Variants in CA10 observed in about 807,000 individuals in gnomAD.
CA10 encodes carbonic anhydrase-related protein 10.
In CA10, 14 loss-of-function variants were observed where a neutral mutation model predicts 44.2. The observed-to-expected ratio is 0.32, with a 90% CI of 0.21 to 0.50. The LOEUF is 0.50. Ranked by LOEUF, CA10 falls within the 20% of genes least tolerant of loss-of-function variation. The pLI is 0.99. For missense variants in CA10, 350 were observed against 409.7 expected, an observed-to-expected ratio of 0.85 and a Z score of 1.26; for synonymous variants, 159 against 141.6, an observed-to-expected ratio of 1.12 and a Z score of -0.87.
intron 2 of CA10, among the ~76,000 whole-genome samples, chr17:52,028,482 T>C (rs1236991186): frequency 6.6e-6 from 1 of 152,186 alleles, no homozygotes; most frequent in Non-Finnish European, 1.5e-5. Flanking sequence ...AATAATGATT[T>C]ACTGAAAACC....
Position 51,653,840 on chromosome 17 carries a change from G to A in CA10, c.466-104C>T. The A allele has an allele frequency of 4.4e-6, 3 of 684,346 alleles. No homozygotes were observed. In the South Asian group the frequency reaches 4.8e-5, roughly 11 times the overall value. 42.4% of individuals were successfully genotyped at this position (684,346 alleles called of 1,614,324 possible). A position where few individuals can be genotyped will look rare whatever the true frequency, so the allele number is the denominator to read the frequency against. Reference sequence around the variant, plus strand: ...AGGGTGAACTGCAAAGTATATTGAGGAACAATTTGGAAGACAATTTTAATT... The same window carrying A: ...AGGGTGAACTGCAAAGTATATTGAGAAACAATTTGGAAGACAATTTTAATT... On this transcript the variant is annotated intron_variant, in intron 4 of 8. Coordinates refer to ENST00000451037, the MANE Select transcript of CA10 (RefSeq NM_020178.5).
intron 3 of CA10, among the ~76,000 whole-genome samples, chr17:51,803,057 G>C (rs573005961): frequency 1.4e-4 from 21 of 152,268 alleles, no homozygotes; most frequent in Middle Eastern, 3.4e-3. Flanking sequence ...GGTTTAAATG[G>C]GGGGATTAGG....
chr17:51,718,875 A>G (rs1057272464), intron 4 of CA10, among the ~76,000 whole-genome samples: 1 of 152,154 alleles, frequency 6.6e-6, no homozygotes, highest in Non-Finnish European at 1.5e-5. Flanking sequence ...TGATTGTTGA[A>G]TGAGAGGATA....
rs768359998 is a variant in CA10, at chr17:51,747,751, T to C, written c.347A>G (p.Asn116Ser). 2.5e-6 allele frequency: 4 copies of C among 1,614,076 alleles called. No homozygotes were observed. Among genetic ancestry groups the C allele is most frequent in the South Asian group, 1.1e-5 (1 of 91,090 alleles). ...GTATGTCATGGGCCCTCCAGATATG[T>C]TGACCAAGTGCTCCTTGTCCAGGCG... ...SLRLDKEHLVNISGGPMTYSH... is the reference protein window; with the variant it reads ...SLRLDKEHLVSISGGPMTYSH... Residue 116 changes from asparagine to serine, a missense_variant, in exon 4 of 9, where the codon AAC becomes AGC. Coordinates refer to ENST00000451037, the MANE Select transcript of CA10 (RefSeq NM_020178.5).
At chr17:51,782,516 G>A (rs977101130) in intron 3 of CA10, among the ~76,000 whole-genome samples, 9 of 152,150 alleles carry the variant, frequency 5.9e-5, no homozygotes, top group Non-Finnish European at 1.3e-4. Flanking sequence ...TCCAGCATTG[G>A]TTCATTTCTT....
At chr17:51,732,536 A>G (rs957495088) in intron 4 of CA10, among the ~76,000 whole-genome samples, 3 of 152,308 alleles carry the variant, frequency 2.0e-5, no homozygotes, top group Admixed American at 6.5e-5. Flanking sequence ...AGAACTGTCT[A>G]TCTTCCCACT....
At chr17:51,690,457 G>A (rs902087567) in intron 4 of CA10, among the ~76,000 whole-genome samples, 4 of 152,078 alleles carry the variant, frequency 2.6e-5, no homozygotes, top group Non-Finnish European at 5.9e-5. Context: ...GTGTGATATG[G>A]TTTGGCTATG....
At chr17:51,896,419 T>A (rs1350670609) in intron 3 of CA10, among the ~76,000 whole-genome samples, 1 of 152,086 alleles carries the variant, frequency 6.6e-6, no homozygotes, top group Non-Finnish European at 1.5e-5. Flanking sequence ...AAGGACATGA[T>A]CTCATTCCTT....
At chr17:51,740,510 G>T (rs1172222489) in intron 4 of CA10, among the ~76,000 whole-genome samples, 1 of 152,194 alleles carries the variant, frequency 6.6e-6, no homozygotes, top group Non-Finnish European at 1.5e-5. Context: ...TCCCCAAGAA[G>T]GTGGTAACAT....
At chr17:51,965,555 TA>T (rs1984050251) in intron 2 of CA10, among the ~76,000 whole-genome samples, 1 of 152,032 alleles carries the variant, frequency 6.6e-6, no homozygotes. Context: ...TGGTTCAACA[TA>T]CACAAATCAA....
intron 3 of CA10, among the ~76,000 whole-genome samples, chr17:51,751,864 A>C (rs1262273515): frequency 6.6e-6 from 1 of 152,138 alleles, no homozygotes; most frequent in Non-Finnish European, 1.5e-5. Context: ...CTCTGTCTTC[A>C]TTCATTCATT....
intron 3 of CA10, among the ~76,000 whole-genome samples, chr17:51,769,808 G>T (rs968070559): frequency 2.0e-5 from 3 of 152,158 alleles, no homozygotes; most frequent in Non-Finnish European, 2.9e-5. Flanking sequence ...GTAAAGAGGG[G>T]ATATAAGAGA....
chr17:51,716,057 ACCCTTC>A (rs1916102686), intron 4 of CA10, among the ~76,000 whole-genome samples: 1 of 151,610 alleles, frequency 6.6e-6, no homozygotes, highest in Admixed American at 6.6e-5. Flanking sequence ...GCCCCCTACT[ACCCTTC>A]CCAGACTCTG....
intron 4 of CA10, among the ~76,000 whole-genome samples, chr17:51,678,542 G>A (rs983403285): frequency 3.9e-5 from 6 of 152,174 alleles, no homozygotes; most frequent in African/African-American, 9.7e-5. Context: ...CACAGATGAC[G>A]AATACGCAGC....
chr17:51,841,896 A>G (rs1978322630), intron 3 of CA10, among the ~76,000 whole-genome samples: 1 of 152,184 alleles, frequency 6.6e-6, no homozygotes, highest in South Asian at 2.1e-4. Context: ...TCCATGCATC[A>G]TATCCAGGCA....
chr17:51,660,490 G>A (rs1007903257), intron 4 of CA10, among the ~76,000 whole-genome samples: 1 of 152,200 alleles, frequency 6.6e-6, no homozygotes. Context: ...GGTTAAGCTG[G>A]GAGCAGCTTC....
chr17:51,883,858 C>G (rs1326621448), intron 3 of CA10, among the ~76,000 whole-genome samples: 1 of 152,178 alleles, frequency 6.6e-6, no homozygotes, highest in Non-Finnish European at 1.5e-5. Flanking sequence ...TTTATACACT[C>G]TACCTCCTAT....
Position 51,636,127 on chromosome 17 carries a change from G to C in CA10, c.635-118C>G. The C allele has an allele frequency of 5.9e-6, 3 of 511,730 alleles. No individual in the cohort carries two copies. In the South Asian group the frequency reaches 1.9e-4, roughly 32 times the overall value. 31.7% of individuals were successfully genotyped at this position (511,730 alleles called of 1,614,324 possible). A position where few individuals can be genotyped will look rare whatever the true frequency, so the allele number is the denominator to read the frequency against. The stretch of plus-strand genomic sequence containing the variant: ...ATATACATACATATATACACACACA[G>C]ATATATATGTATTTCTTTTGGAATT... On this transcript the variant is annotated intron_variant, in intron 6 of 8. Coordinates refer to ENST00000451037, the MANE Select transcript of CA10 (RefSeq NM_020178.5).
At chr17:52,102,612 A>T (rs551463442) in intron 1 of CA10, among the ~76,000 whole-genome samples, 15 of 152,330 alleles carry the variant, frequency 9.8e-5, no homozygotes, top group African/African-American at 2.9e-4. Flanking sequence ...GCAACTACAT[A>T]ACCCAAACCA....
Sources: allele counts gnomAD v4.1 joint callset (sites outside exome capture counted in the v4.1 genomes callset), GRCh38; gene constraint gnomAD v4.1.1; transcripts MANE v1.5; gene names NCBI Gene and HGNC (gene_info 2026-07-23, HGNC 2026-07-21).